The following PCDHGB2 variants were observed in gnomAD, a reference collection of about 807,000 sequenced individuals.
The protein encoded by PCDHGB2 is protocadherin gamma subfamily B, 2.
A neutral mutation model predicts 59.3 loss-of-function variants in PCDHGB2; 55 were observed. That is an observed-to-expected ratio of 0.93 (90% CI 0.75 to 1.16). The LOEUF is 1.16. PCDHGB2 is among the 50% of genes most tolerant of loss of function. The pLI, the probability that PCDHGB2 is intolerant of heterozygous loss-of-function variation, is 0.00. For missense variants in PCDHGB2, 1,228 were observed against 1,198.5 expected, an observed-to-expected ratio of 1.02 and a Z score of -0.36; for synonymous variants, 516 against 512.0, an observed-to-expected ratio of 1.01 and a Z score of -0.11.
chr5:141,391,206 C>G (rs1004320707), intron 1 of PCDHGB2: 14 of 152,076 alleles, frequency 9.2e-5, no homozygotes, highest in African/African-American at 3.4e-4. Flanking sequence ...TACAAAATAC[C>G]AAGGAACATT....
chr5:141,375,865 G>A (rs1588782771), intron 1 of PCDHGB2: 1 of 1,613,976 alleles, frequency 6.2e-7, no homozygotes, highest in Non-Finnish European at 8.5e-7. Context: ...TGGTGGCGGT[G>A]GACAGAGACT....
At chr5:141,375,557 G>A in intron 1 of PCDHGB2, 1 of 1,613,988 alleles carries the variant, frequency 6.2e-7, no homozygotes, top group Non-Finnish European at 8.5e-7. Context: ...CTACTCACTG[G>A]CAGAAGACAC....
chr5:141,442,779 A>G (rs1453800627), intron 1 of PCDHGB2, among the ~76,000 whole-genome samples: 1 of 152,160 alleles, frequency 6.6e-6, no homozygotes, highest in Non-Finnish European at 1.5e-5. Context: ...GTTTGATTAT[A>G]TTTTATAATT....
rs369044087 is a variant in PCDHGB2 at position 141,389,106 on chromosome 5, C to G, written c.2421+26550C>G. On this transcript the variant is annotated intron_variant, in intron 1 of 3. Coordinates refer to ENST00000522605, the MANE Select transcript of PCDHGB2 (RefSeq NM_018923.3). ...GTATAAATTAGTGACAGATGCTGTTCTAGACCGCGAGCAGAATCCAGAGTA... is the reference window on the plus strand; with the variant it reads ...GTATAAATTAGTGACAGATGCTGTTGTAGACCGCGAGCAGAATCCAGAGTA... 73 of 1,613,908 alleles carry G rather than the reference C, an allele frequency of 4.5e-5. No individual in the cohort carries two copies. The highest frequency in any genetic ancestry group is 1.7e-5 in the Admixed American group (1 of 60,018).
chr5:141,484,532 G>A (rs1421387882), intron 1 of PCDHGB2, among the ~76,000 whole-genome samples: 1 of 152,182 alleles, frequency 6.6e-6, no homozygotes, highest in Non-Finnish European at 1.5e-5. Context: ...TTGAGTATAT[G>A]GCAGTGGTTC....
rs76218301 is a variant in PCDHGB2 at position 141,380,317 on chromosome 5, A to G, written c.2421+17761A>G. On this transcript the variant is annotated intron_variant, in intron 1 of 3. Transcript: ENST00000522605. ...CCTATATCTTTGCTTGAGAATGAAA[A>G]TCTAAATGGAACTTCAAAGAACTGT... is the stretch of plus-strand genomic sequence containing the variant. Among the ~76,000 whole-genome samples the G allele has an allele frequency of 1.7e-4, 26 of 152,324 alleles. No individual in the cohort carries two copies. The East Asian group carries it at 5.0e-3, about 29-fold the overall frequency.
chr5:141,489,546 C>T lies in PCDHGB2; in HGVS notation c.2422-5261C>T, dbSNP rs1404605129. ...GCCTATGTGGAGCCAGCACCAGCTGCCTGCTGCCAGTGCAGGTGGTGACTG... is the reference window on the plus strand; with the variant it reads ...GCCTATGTGGAGCCAGCACCAGCTGTCTGCTGCCAGTGCAGGTGGTGACTG... On this transcript the variant is annotated intron_variant, in intron 1 of 3. Coordinates refer to ENST00000522605, the MANE Select transcript of PCDHGB2 (RefSeq NM_018923.3). The surrounding 1 kb of genome is among the most constrained non-coding windows in gnomAD (Gnocchi z 4.5). 2 of 1,614,076 alleles carry T rather than the reference C, an allele frequency of 1.2e-6. No homozygotes were observed. The highest frequency in any genetic ancestry group is 2.2e-5 in the East Asian group (1 of 44,868).
intron 1 of PCDHGB2, chr5:141,398,327 G>C (rs1348307728): frequency 7.4e-7 from 1 of 1,353,452 alleles, no homozygotes; most frequent in Non-Finnish European, 1.0e-6. Flanking sequence ...CGAAAACTGC[G>C]CGTCAGTTCG....
At chr5:141,483,240 T>C (rs2099578643) in intron 1 of PCDHGB2, among the ~76,000 whole-genome samples, 2 of 151,742 alleles carry the variant, frequency 1.3e-5, no homozygotes, top group Non-Finnish European at 1.5e-5. Flanking sequence ...TGAACTGATA[T>C]GCATATATCA....
intron 1 of PCDHGB2, among the ~76,000 whole-genome samples, chr5:141,468,046 C>T (rs540273405): frequency 1.3e-4 from 20 of 152,174 alleles, no homozygotes; most frequent in Non-Finnish European, 2.8e-4. Flanking sequence ...AAAACTAAGC[C>T]GGGCACAGTG....
intron 1 of PCDHGB2, chr5:141,389,816 G>A (rs1359127304): frequency 6.2e-7 from 1 of 1,613,776 alleles, no homozygotes; most frequent in Admixed American, 1.7e-5. Flanking sequence ...TGGTCGCCGT[G>A]CGTGACGGTG....
At chr5:141,428,226 C>A (rs2154552641) in intron 1 of PCDHGB2, 1 of 1,137,180 alleles carries the variant, frequency 8.8e-7, no homozygotes, top group South Asian at 1.3e-5. Flanking sequence ...TCTTCGCAGA[C>A]AGCCTGCAGG....
intron 1 of PCDHGB2, chr5:141,376,291 C>G (rs780024608): frequency 6.2e-6 from 10 of 1,614,040 alleles, no homozygotes; most frequent in South Asian, 1.1e-5. Flanking sequence ...CGAGCATGCC[C>G]GGCTCGCACT....
Position 141,432,226 on chromosome 5 carries a change from T to C in PCDHGB2, c.2422-62581T>C. On this transcript the variant is annotated intron_variant, in intron 1 of 3. Coordinates refer to ENST00000522605, the MANE Select transcript of PCDHGB2 (RefSeq NM_018923.3). The surrounding 1 kb of genome is among the most constrained non-coding windows in gnomAD (Gnocchi z 6.0). ...GTGAAGAGAACGCCCAGATCACTTATTCCCTGGCTGAGAACACCATCCAAG... is the reference window on the plus strand; with the variant it reads ...GTGAAGAGAACGCCCAGATCACTTACTCCCTGGCTGAGAACACCATCCAAG... 4 of 1,614,198 alleles carry C rather than the reference T, an allele frequency of 2.5e-6. No individual in the cohort carries two copies. The highest frequency in any genetic ancestry group is 3.4e-6 in the Non-Finnish European group (4 of 1,180,028).
In PCDHGB2 at chr5:141,418,490, G is replaced by A. The variant is rs1473964718; in HGVS notation, c.2421+55934G>A. On this transcript the variant is annotated intron_variant, in intron 1 of 3. Coordinates refer to ENST00000522605, the MANE Select transcript of PCDHGB2 (RefSeq NM_018923.3). Reference sequence around the variant, plus strand: ...AGAAACGCAGAGCGCTCACCACTTGGTACTGACCGCCTTAGATGGTGGGGA... The same window carrying A: ...AGAAACGCAGAGCGCTCACCACTTGATACTGACCGCCTTAGATGGTGGGGA... 5.6e-6 allele frequency: 9 copies of A among 1,613,996 alleles called. No homozygotes were observed. In the East Asian group the frequency reaches 1.6e-4, roughly 28 times the overall value.
At chr5:141,428,097 C>T (rs2097109296) in intron 1 of PCDHGB2, 2 of 1,608,758 alleles carry the variant, frequency 1.2e-6, no homozygotes, top group African/African-American at 1.3e-5. Flanking sequence ...GCTGTCCTAC[C>T]ACGTGCTGCA....
intron 1 of PCDHGB2, among the ~76,000 whole-genome samples, chr5:141,453,193 A>G (rs2098757675): frequency 6.6e-6 from 1 of 152,142 alleles, no homozygotes; most frequent in Admixed American, 6.5e-5. Context: ...AGCTCACTGC[A>G]GCCTCAACCT....
intron 1 of PCDHGB2, chr5:141,387,903 G>A: frequency 6.6e-7 from 1 of 1,506,982 alleles, no homozygotes; most frequent in African/African-American, 1.4e-5. Context: ...CGGCGCCGGG[G>A]AGCTGGGCCG....
intron 1 of PCDHGB2, chr5:141,427,206 G>C (rs1224325038): frequency 1.1e-5 from 5 of 456,606 alleles, no homozygotes; most frequent in Admixed American, 2.3e-5. Context: ...AATAGACTTC[G>C]AATTTCGTAG....
Sources: allele counts gnomAD v4.1 joint callset (sites outside exome capture counted in the v4.1 genomes callset), GRCh38; gene constraint gnomAD v4.1.1; non-coding constraint Gnocchi (gnomAD v3.1); transcripts MANE v1.5; gene names NCBI Gene and HGNC (gene_info 2026-07-23, HGNC 2026-07-21).